Variants in TAB1 observed in about 807,000 individuals in gnomAD.
The protein encoded by TAB1 is TGF-beta activated kinase 1 (MAP3K7) binding protein 1, also known as TGF-beta-activated kinase 1 and MAP3K7-binding protein 1.
A neutral mutation model predicts 54.5 loss-of-function variants in TAB1; 30 were observed. That is an observed-to-expected ratio of 0.55 (90% CI 0.41 to 0.75). The LOEUF (loss-of-function observed/expected upper bound fraction) is 0.75, where lower values mean the gene tolerates loss of function less well. TAB1 is among the 30% of genes least tolerant of loss of function. The pLI is 0.00. For missense variants in TAB1, 609 were observed against 683.2 expected (o/e 0.89, Z 1.21); for synonymous variants, 289 against 286.9 (o/e 1.01, Z -0.07).
At chr22:39,435,414 C>T (rs964614239), downstream of TAB1, among the ~76,000 whole-genome samples, 4 of 152,164 alleles carry the variant, frequency 2.6e-5, no homozygotes, top group African/African-American at 9.7e-5. Flanking sequence ...GGGCCAGGTG[C>T]CTTGCTGGGA....
chr22:39,426,134 C>T (rs941180415), intron 8 of TAB1, among the ~76,000 whole-genome samples: 1 of 152,352 alleles, frequency 6.6e-6, no homozygotes, highest in East Asian at 1.9e-4. Context: ...GCTGGGATTA[C>T]AGGCGCAAGC....
At chr22:39,403,761 C>T (rs937144684) in intron 1 of TAB1, among the ~76,000 whole-genome samples, 3 of 151,744 alleles carry the variant, frequency 2.0e-5, no homozygotes, top group Admixed American at 2.0e-4. Context: ...GCCTCAGCCT[C>T]CCAAGTAGCT....
At chr22:39,425,704 G>A (rs182370653) in intron 8 of TAB1, among the ~76,000 whole-genome samples, 1 of 151,284 alleles carries the variant, frequency 6.6e-6, no homozygotes, top group Non-Finnish European at 1.5e-5. Context: ...CCGCCACCAC[G>A]CCCGGCTAAT....
At chr22:39,418,672 C>T (rs1264315521) in intron 5 of TAB1, 60 bp from the exon 6 acceptor site, 25 of 1,283,650 alleles carry the variant, frequency 1.9e-5, no homozygotes, top group Middle Eastern at 1.8e-4. Context: ...TCTGCCTTCC[C>T]GGTATGCCCT....
At position 39,417,722 on chromosome 22, in the gene TAB1, G is replaced by A; in HGVS notation, c.423G>A (p.Gln141=). ...LQSQLPEGVP[Q]HQLPPQYQKI... ...GTTGATGGTTGTAGGGAGTCCCTCA[G>A]CACCAGCTGCCTCCTCAGTATCAGA... The change falls in exon 5 of 11, where the codon CAG becomes CAA. Residue 141 remains glutamine, a synonymous_variant. Coordinates refer to ENST00000216160, the MANE Select transcript of TAB1 (RefSeq NM_006116.3). The A allele has an allele frequency of 6.2e-7, 1 of 1,610,190 alleles. No individual in the cohort carries two copies. The highest frequency in any genetic ancestry group is 8.5e-7 in the Non-Finnish European group (1 of 1,178,002).
At chr22:39,417,596 G>A (rs1341398485) in intron 4 of TAB1, 115 bp from the exon 5 acceptor site, 14 of 1,077,394 alleles carry the variant, frequency 1.3e-5, no homozygotes, top group Non-Finnish European at 1.7e-5. Context: ...ACTGTAGCCT[G>A]GGGGACACAG....
downstream of TAB1, chr22:39,436,992 G>A (rs1201989080): frequency 5.9e-6 from 1 of 169,312 alleles, no homozygotes; most frequent in Non-Finnish European, 1.3e-5. Flanking sequence ...GGCCCGAGAT[G>A]TGGGTGGCCC....
Position 39,415,566 on chromosome 22 carries a change from C to T in TAB1, c.237C>T (p.Phe79=), listed in dbSNP as rs530885412. Residue 79 remains phenylalanine (F), a synonymous_variant, in exon 3 of 11, where the codon TTC becomes TTT. Transcript: ENST00000216160. The surrounding 1 kb of genome is among the most constrained non-coding windows in gnomAD (Gnocchi z 4.9). ...ATGATGGCAACCGAGTGACCAACTT[C>T]GTGGCCCAGCGGCTGTCCGCAGAGC... ...NGYDGNRVTN[F]VAQRLSAELL... The T allele has an allele frequency of 9.7e-5, 156 of 1,614,218 alleles. 2 individuals carry two copies. The South Asian group carries it at 1.3e-3, about 13-fold the overall frequency.
chr22:39,429,235 A>G, intron 10 of TAB1: 1 of 985,438 alleles, frequency 1.0e-6, no homozygotes, highest in South Asian at 4.7e-5. Flanking sequence ...GTCCCCACCC[A>G]GCTGATGAGA....
chr22:39,408,549 A>G (rs1040155490), intron 1 of TAB1, among the ~76,000 whole-genome samples: 1 of 152,064 alleles, frequency 6.6e-6, no homozygotes, highest in Admixed American at 6.6e-5. Context: ...TCCAGGCTGG[A>G]GTGCAGTGGC....
At chr22:39,412,721 T>C (rs979964763) in intron 1 of TAB1, among the ~76,000 whole-genome samples, 1 of 152,100 alleles carries the variant, frequency 6.6e-6, no homozygotes, top group African/African-American at 2.4e-5. Context: ...TTTATATATA[T>C]GATTGCAAAA....
downstream of TAB1, among the ~76,000 whole-genome samples, chr22:39,436,268 G>A (rs1927779626): frequency 6.6e-6 from 1 of 152,032 alleles, no homozygotes; most frequent in African/African-American, 2.4e-5. Flanking sequence ...ACTCCAGCCT[G>A]GGCAACAGAG....
intron 8 of TAB1, among the ~76,000 whole-genome samples, chr22:39,426,116 C>T (rs907801945): frequency 6.6e-6 from 1 of 152,196 alleles, no homozygotes; most frequent in African/African-American, 2.4e-5. Flanking sequence ...ACCTCAGCCT[C>T]CCAAAGTGCT....
chr22:39,423,740 G>A (rs970295575), intron 8 of TAB1, among the ~76,000 whole-genome samples: 2 of 152,272 alleles, frequency 1.3e-5, no homozygotes, highest in East Asian at 1.9e-4. Context: ...TGAGATCTTA[G>A]TAAACCAGTT....
Position 39,416,891 on chromosome 22 carries a change from C to T in TAB1, c.411+14C>T. 6.2e-7 allele frequency: 1 copy of T among 1,613,738 alleles called. No individual in the cohort carries two copies. The highest frequency in any genetic ancestry group is 1.1e-5 in the South Asian group (1 of 91,062). ...CAATTGCCAGAGGTAATTTCCCCAG[C>T]CGACACCCAGGGGAGTCAAGTCCAG... On this transcript the variant is annotated intron_variant, in intron 4 of 10. Transcript: ENST00000216160.
chr22:39,421,186 A>G (rs1242635666), intron 7 of TAB1, among the ~76,000 whole-genome samples: 4 of 151,964 alleles, frequency 2.6e-5, no homozygotes, highest in South Asian at 2.1e-4. Flanking sequence ...CCTCACTGCT[A>G]TCATTAAAGG....
downstream of TAB1, among the ~76,000 whole-genome samples, chr22:39,432,170 T>A (rs2145687558): frequency 1.3e-5 from 2 of 152,324 alleles, no homozygotes; most frequent in South Asian, 2.1e-4. Context: ...CTCTGGCCCA[T>A]GGCCAGTGGC....
intron 1 of TAB1, among the ~76,000 whole-genome samples, chr22:39,402,123 G>C (rs1926172105): frequency 6.6e-6 from 1 of 152,038 alleles, no homozygotes; most frequent in Non-Finnish European, 1.5e-5. Flanking sequence ...GCCAAGCAGA[G>C]GAGAGGAGGG....
chr22:39,418,688 T>C lies in TAB1; in HGVS notation c.551-44T>C, dbSNP rs1271373930. 5 of 1,414,994 alleles carry C rather than the reference T, an allele frequency of 3.5e-6. No individual in the cohort carries two copies. In the African/African-American group the frequency reaches 7.0e-5, roughly 20 times the overall value. The allele number at this position is 1,414,994 out of a possible 1,614,324, so 87.7% of individuals were successfully genotyped here. A position where few individuals can be genotyped will look rare whatever the true frequency, so the allele number is the denominator to read the frequency against. On this transcript the variant is annotated intron_variant, in intron 5 of 10. Transcript: ENST00000216160. Reference sequence around the variant, plus strand: ...CTGCCTTCCCGGTATGCCCTATTTCTCTCTGTGTGTAGTCTTTGCTTAGCT... The same window carrying C: ...CTGCCTTCCCGGTATGCCCTATTTCCCTCTGTGTGTAGTCTTTGCTTAGCT...
Sources: gnomAD v4.1 joint callset for allele counts (sites outside exome capture counted in the v4.1 genomes callset) on GRCh38, gnomAD v4.1.1 for gene constraint, Gnocchi (gnomAD v3.1) non-coding constraint, MANE v1.5 for transcripts, NCBI Gene and HGNC (gene_info 2026-07-23, HGNC 2026-07-21) for gene names.